Variants in TGFB2 observed in about 807,000 individuals in gnomAD.
TGFB2 encodes the protein transforming growth factor beta 2, also known as transforming growth factor beta-2 proprotein.
A neutral mutation model predicts 42.7 loss-of-function variants in TGFB2; 13 were observed. That is an observed-to-expected ratio of 0.30 (90% CI 0.20 to 0.48). TGFB2 has a LOEUF of 0.48. TGFB2 is among the 20% of genes least tolerant of loss of function. The pLI, the probability that TGFB2 is intolerant of heterozygous loss-of-function variation, is 0.99. For synonymous variants in TGFB2, 193 were observed against 193.6 expected, an observed-to-expected ratio of 1.00 and a Z score of 0.03; for missense variants, 390 against 517.5, an observed-to-expected ratio of 0.75 and a Z score of 2.39.
chr1:218,421,786 A>C (rs1175513608), intron 2 of TGFB2, among the ~76,000 whole-genome samples: 1 of 152,194 alleles, frequency 6.6e-6, no homozygotes, highest in Non-Finnish European at 1.5e-5. Flanking sequence ...ATCCAGTATG[A>C]CTGGTGTCCT....
intron 1 of TGFB2, among the ~76,000 whole-genome samples, chr1:218,392,660 C>T (rs1450291619): frequency 2.0e-5 from 3 of 152,188 alleles, no homozygotes; most frequent in African/African-American, 4.8e-5. Context: ...AGAGAGAGCA[C>T]CTAGTAGGTG....
At chr1:218,376,102 C>T (rs58774199) in intron 1 of TGFB2, among the ~76,000 whole-genome samples, 4,958 of 152,216 alleles carry the variant, frequency 0.033, 254 homozygotes, top group African/African-American at 0.11. Flanking sequence ...TGCACAACGT[C>T]GTACCCACAG....
intron 1 of TGFB2, among the ~76,000 whole-genome samples, chr1:218,388,182 G>A (rs1658198948): frequency 6.6e-6 from 1 of 152,198 alleles, no homozygotes; most frequent in Admixed American, 6.5e-5. Flanking sequence ...AAGGGGTAAT[G>A]TGCAGTTAGT....
At chr1:218,383,723 A>G (rs1357571719) in intron 1 of TGFB2, among the ~76,000 whole-genome samples, 1 of 152,210 alleles carries the variant, frequency 6.6e-6, no homozygotes, top group African/African-American at 2.4e-5. Flanking sequence ...GACTTGCGAG[A>G]TTTGATTATA....
chr1:218,349,984 G>C (rs897697951), intron 1 of TGFB2, among the ~76,000 whole-genome samples: 1 of 152,180 alleles, frequency 6.6e-6, no homozygotes, highest in Non-Finnish European at 1.5e-5. Context: ...TTTAAGACTC[G>C]AAGTGGAGTT....
At chr1:218,349,275 T>A (rs895431947) in intron 1 of TGFB2, among the ~76,000 whole-genome samples, 2 of 152,100 alleles carry the variant, frequency 1.3e-5, no homozygotes, top group African/African-American at 4.8e-5. Flanking sequence ...GATAATTTTA[T>A]AGAAAATAGG....
chr1:218,368,985 G>A (rs999196539), intron 1 of TGFB2, among the ~76,000 whole-genome samples: 4 of 152,058 alleles, frequency 2.6e-5, no homozygotes, highest in East Asian at 1.9e-4. Context: ...GGCCGGGCAC[G>A]GTGGCTCATG....
intron 2 of TGFB2, among the ~76,000 whole-genome samples, chr1:218,416,563 G>C (rs1054931993): frequency 1.3e-5 from 2 of 152,168 alleles, no homozygotes; most frequent in African/African-American, 4.8e-5. Context: ...AAGTCATTCA[G>C]CTGATTTTAC....
intron 1 of TGFB2, among the ~76,000 whole-genome samples, chr1:218,368,758 A>G (rs955460726): frequency 2.0e-5 from 3 of 152,126 alleles, no homozygotes; most frequent in African/African-American, 7.2e-5. Context: ...AGGGCATTCT[A>G]TTCTGTTCCA....
intron 1 of TGFB2, among the ~76,000 whole-genome samples, chr1:218,389,628 A>G (rs528897505): frequency 6.6e-6 from 1 of 152,240 alleles, no homozygotes; most frequent in Non-Finnish European, 1.5e-5. Context: ...ATGTACTCAG[A>G]TAGTATCTCA....
rs10482754 is a variant in TGFB2, at chr1:218,383,349, C to A, written c.347-21820C>A. Among the ~76,000 whole-genome samples the A allele has an allele frequency of 5.6e-3, 849 of 152,080 alleles. 14 individuals are homozygous for A. Among genetic ancestry groups the A allele is most frequent in the African/African-American group, 0.019 (782 of 41,474 alleles). ...TGACCTTTATTTTTTTAGGAGGGTCCAAAATTCAAAGCTGGAAAGCATGTG... is the reference window on the plus strand; with the variant it reads ...TGACCTTTATTTTTTTAGGAGGGTCAAAAATTCAAAGCTGGAAAGCATGTG... On this transcript the variant is annotated intron_variant, in intron 1 of 6. Coordinates refer to ENST00000366930, the MANE Select transcript of TGFB2 (RefSeq NM_003238.6).
intron 1 of TGFB2, among the ~76,000 whole-genome samples, chr1:218,397,773 C>T (rs1658574137): frequency 6.6e-6 from 1 of 152,136 alleles, no homozygotes; most frequent in Admixed American, 6.5e-5. Context: ...TGAGCAGGAA[C>T]CTGTGCTGCT....
At chr1:218,406,964 A>G (rs915709923) in intron 2 of TGFB2, among the ~76,000 whole-genome samples, 1 of 152,190 alleles carries the variant, frequency 6.6e-6, no homozygotes, top group African/African-American at 2.4e-5. Context: ...GTTTTTCTGG[A>G]CTCTAATCAT....
intron 1 of TGFB2, among the ~76,000 whole-genome samples, chr1:218,381,862 C>G (rs1657974387): frequency 6.6e-6 from 1 of 152,038 alleles, no homozygotes; most frequent in South Asian, 2.1e-4. Flanking sequence ...CACGCGCGTG[C>G]CTATGCACAC....
At chr1:218,411,475 C>T (rs942550621) in intron 2 of TGFB2, among the ~76,000 whole-genome samples, 1 of 152,114 alleles carries the variant, frequency 6.6e-6, no homozygotes, top group African/African-American at 2.4e-5. Flanking sequence ...CCTAGATAGT[C>T]TCAGATGTCT....
rs115886013 is a variant in TGFB2 at position 218,409,598 on chromosome 1, A to G, written c.510+4266A>G. On this transcript the variant is annotated intron_variant, in intron 2 of 6. Transcript: ENST00000366930. ...ATGAAGATGAGGCTAAATTATAGTC[A>G]GGAAACTGAACACATGCAATAAATT... Among the ~76,000 whole-genome samples the G allele has an allele frequency of 9.9e-3, 1,501 of 152,316 alleles. 23 individuals carry two copies. The highest frequency in any genetic ancestry group is 0.033 in the African/African-American group (1,377 of 41,560).
Position 218,405,065 on chromosome 1 carries a change from G to C in TGFB2, c.347-104G>C. On this transcript the variant is annotated intron_variant, in intron 1 of 6. Coordinates refer to ENST00000366930, the MANE Select transcript of TGFB2 (RefSeq NM_003238.6). ...TAAACTGGCCGTTGGAAACTATTCT[G>C]TAGATATTTCCCTTATGGTTTCTTG... 6.2e-6 allele frequency: 8 copies of C among 1,288,844 alleles called. No homozygotes were observed. The South Asian group carries it at 7.7e-5, about 12-fold the overall frequency. 79.8% of individuals were successfully genotyped at this position (1,288,844 alleles called of 1,614,324 possible).
At chr1:218,376,359 G>A (rs570160734) in intron 1 of TGFB2, among the ~76,000 whole-genome samples, 4 of 152,192 alleles carry the variant, frequency 2.6e-5, no homozygotes, top group South Asian at 2.1e-4. Context: ...AGCTCTGCCT[G>A]GATGGTTCCT....
chr1:218,394,793 G>A (rs1558243107), intron 1 of TGFB2, among the ~76,000 whole-genome samples: 2 of 152,314 alleles, frequency 1.3e-5, no homozygotes, highest in South Asian at 2.1e-4. Context: ...TGTTTGGGAT[G>A]TGGTAGTGAA....
Sources: allele counts gnomAD v4.1 joint callset (sites outside exome capture counted in the v4.1 genomes callset), GRCh38; gene constraint gnomAD v4.1.1; transcripts MANE v1.5; gene names NCBI Gene and HGNC (gene_info 2026-07-23, HGNC 2026-07-21).